The following MYL1 variants were observed in gnomAD, a reference collection of about 807,000 sequenced individuals.
MYL1 encodes the protein myosin light chain 1/3, skeletal muscle isoform.
MYL1 carries 16 observed loss-of-function variants against 21.8 expected under a neutral mutation model. That is an observed-to-expected ratio of 0.74 (90% CI 0.50 to 1.12). The LOEUF is 1.12. Among genes scored for constraint, MYL1 ranks in the 50% most tolerant of loss-of-function variants. The pLI, the probability that MYL1 is intolerant of heterozygous loss-of-function variation, is 0.00. For missense variants in MYL1, 246 were observed against 241.0 expected (o/e 1.02, Z -0.14); for synonymous variants, 99 against 85.2 (o/e 1.16, Z -0.89).
intron 3 of MYL1, among the ~76,000 whole-genome samples, chr2:210,297,293 A>G (rs1690188910): frequency 6.6e-6 from 1 of 151,988 alleles, no homozygotes; most frequent in South Asian, 2.1e-4. Flanking sequence ...ACAGTATATA[A>G]AAGTTCCCCT....
At chr2:210,303,548 G>A in intron 1 of MYL1, 1 of 1,611,004 alleles carries the variant, frequency 6.2e-7, no homozygotes, top group South Asian at 1.1e-5. Context: ...CCACCATGAT[G>A]GAGCGGCTGG....
At chr2:210,311,606 A>G (rs1450851210) in intron 1 of MYL1, among the ~76,000 whole-genome samples, 1 of 152,084 alleles carries the variant, frequency 6.6e-6, no homozygotes, top group Non-Finnish European at 1.5e-5. Flanking sequence ...ATACTGACAT[A>G]TAATGCATGC....
chr2:210,303,973 C>G (rs1690302722), intron 1 of MYL1, among the ~76,000 whole-genome samples: 1 of 152,166 alleles, frequency 6.6e-6, no homozygotes, highest in South Asian at 2.1e-4. Context: ...TTACAAACTT[C>G]TAGTCAGCAA....
In MYL1 at chr2:210,314,713, T is replaced by C. The variant is rs190555909; in HGVS notation, c.132+198A>G. Reference sequence around the variant, plus strand: ...AAATAGAGCAAGCACAGGCTTCACATATGATACCATACTCTAATAATTTTT... The same window carrying C: ...AAATAGAGCAAGCACAGGCTTCACACATGATACCATACTCTAATAATTTTT... On this transcript the variant is annotated intron_variant, in intron 1 of 6. Coordinates refer to ENST00000352451, the MANE Select transcript of MYL1 (RefSeq NM_079420.3). Among the ~76,000 whole-genome samples, 64 of 152,346 alleles carry C rather than the reference T, an allele frequency of 4.2e-4. 1 individual carries two copies. The East Asian group carries it at 9.3e-3, about 22-fold the overall frequency.
intron 1 of MYL1, among the ~76,000 whole-genome samples, chr2:210,312,679 CT>C (rs890397409): frequency 6.6e-6 from 1 of 151,542 alleles, no homozygotes; most frequent in Admixed American, 6.6e-5. Flanking sequence ...ATTTGTTTCT[CT>C]TTTTTTTCTC....
chr2:210,297,289 T>C (rs1319042009), intron 3 of MYL1, among the ~76,000 whole-genome samples: 1 of 152,062 alleles, frequency 6.6e-6, no homozygotes, highest in Non-Finnish European at 1.5e-5. Flanking sequence ...AGCAACAGTA[T>C]ATAAAAGTTC....
chr2:210,302,913 A>G (rs1267922474), intron 1 of MYL1: 7 of 1,027,090 alleles, frequency 6.8e-6, no homozygotes, highest in Non-Finnish European at 1.0e-5. Flanking sequence ...TCTTGGCATT[A>G]GAAGGTTGCC....
At chr2:210,290,946 C>A in intron 6 of MYL1, 86 bp downstream of exon 6, 1 of 752,498 alleles carries the variant, frequency 1.3e-6, no homozygotes, top group South Asian at 2.2e-5. Context: ...CAATATTAAT[C>A]TATAGCATAT....
At chr2:210,300,950 T>G (rs1038172966) in intron 2 of MYL1, among the ~76,000 whole-genome samples, 24 of 152,162 alleles carry the variant, frequency 1.6e-4, no homozygotes, top group African/African-American at 5.5e-4. Flanking sequence ...TGCTTACATT[T>G]GTTTTCCTGC....
At chr2:210,306,164 T>G (rs965555531) in intron 1 of MYL1, among the ~76,000 whole-genome samples, 6 of 152,142 alleles carry the variant, frequency 3.9e-5, no homozygotes, top group African/African-American at 1.4e-4. Context: ...GCAGATTACT[T>G]GAGACCAGGA....
chr2:210,299,534 A>T (rs1690232192), intron 2 of MYL1, among the ~76,000 whole-genome samples: 1 of 152,158 alleles, frequency 6.6e-6, no homozygotes, highest in Non-Finnish European at 1.5e-5. Context: ...TTCTTTTATG[A>T]ATACATATTT....
intron 3 of MYL1, among the ~76,000 whole-genome samples, chr2:210,296,779 GCTAT>G (rs1434400886): frequency 6.6e-6 from 1 of 151,874 alleles, no homozygotes; most frequent in Admixed American, 6.6e-5. Flanking sequence ...CCAACTTCTG[GCTAT>G]CTCTTATTCC....
chr2:210,313,494 C>A (rs1690446452), intron 1 of MYL1, among the ~76,000 whole-genome samples: 1 of 151,984 alleles, frequency 6.6e-6, no homozygotes, highest in Non-Finnish European at 1.5e-5. Context: ...TCTTAAAGAA[C>A]TGTATGCATG....
At chr2:210,295,144 C>A (rs1010893077) in intron 3 of MYL1, among the ~76,000 whole-genome samples, 1 of 152,186 alleles carries the variant, frequency 6.6e-6, no homozygotes, top group African/African-American at 2.4e-5. Flanking sequence ...CAGTTGTATA[C>A]AAATGGGTAA....
chr2:210,299,657 T>A (rs1690234160), intron 2 of MYL1, among the ~76,000 whole-genome samples: 2 of 152,154 alleles, frequency 1.3e-5, no homozygotes. Flanking sequence ...ACAAAAAATT[T>A]AGAAATGTAT....
chr2:210,306,472 C>G (rs1485210769), intron 1 of MYL1, among the ~76,000 whole-genome samples: 1 of 151,820 alleles, frequency 6.6e-6, no homozygotes, highest in Non-Finnish European at 1.5e-5. Context: ...ATAATAGAAG[C>G]AGTTAAGTGG....
intron 1 of MYL1, among the ~76,000 whole-genome samples, chr2:210,311,333 A>G (rs1690416311): frequency 6.6e-6 from 1 of 152,110 alleles, no homozygotes; most frequent in South Asian, 2.1e-4. Context: ...AATACCCATC[A>G]GTAAGTAAAT....
At chr2:210,294,206 A>T (rs1348200106) in intron 4 of MYL1, 39 bp downstream of exon 4, 5 of 1,553,508 alleles carry the variant, frequency 3.2e-6, no homozygotes, top group Non-Finnish European at 4.3e-6. Flanking sequence ...TTTTCTATAT[A>T]TTCTGTCTCA....
In MYL1 at chr2:210,314,932, T is replaced by A. The variant is rs764696271; in HGVS notation, c.111A>T (p.Lys37Asn). The A allele has an allele frequency of 2.7e-5, 44 of 1,613,766 alleles. No homozygotes were observed. Among genetic ancestry groups the A allele is most frequent in the Non-Finnish European group, 3.5e-5 (41 of 1,179,872 alleles). ...APAPAKPKEE[K>N]IDLSAIKIEF... ...TTACCTTAATGGCAGAGAGGTCAATTTTTTCTTCTTTGGGTTTGGCTGGGG... is the reference window on the plus strand; with the variant it reads ...TTACCTTAATGGCAGAGAGGTCAATATTTTCTTCTTTGGGTTTGGCTGGGG... Residue 37 changes from lysine (K) to asparagine (N), a missense_variant, in exon 1 of 7, where the codon AAA becomes AAT. By Grantham distance (94) the Lys-to-Asn change is moderately conservative (BLOSUM62 0). Transcript: ENST00000352451.
Sources: gnomAD v4.1 joint callset for allele counts (sites outside exome capture counted in the v4.1 genomes callset) on GRCh38, gnomAD v4.1.1 for gene constraint, MANE v1.5 for transcripts, NCBI Gene and HGNC (gene_info 2026-07-23, HGNC 2026-07-21) for gene names.